Variants in CACNB2 observed in about 807,000 individuals in gnomAD.
The protein encoded by CACNB2 is calcium voltage-gated channel auxiliary subunit beta 2.
CACNB2 carries 42 observed loss-of-function variants against 73.3 expected under a neutral mutation model. The ratio of observed to expected loss-of-function variants is 0.57; its 90% CI spans 0.45 to 0.74. The LOEUF (loss-of-function observed/expected upper bound fraction) is 0.74. Among genes scored for constraint, CACNB2 ranks in the 30% least tolerant of loss-of-function variants. The pLI is 0.00. For synonymous variants in CACNB2, 348 were observed against 310.3 expected (o/e 1.12, Z -1.28); for missense variants, 940 against 853.0 (o/e 1.10, Z -1.27).
At chr10:18,472,131 T>C (rs2048215481) in intron 3 of CACNB2, among the ~76,000 whole-genome samples, 1 of 152,058 alleles carries the variant, frequency 6.6e-6, no homozygotes, top group Admixed American at 6.6e-5. Context: ...TTTGCTTTCT[T>C]TTCTGCTTGT....
At chr10:18,219,732 C>T (rs1361525873) in intron 2 of CACNB2, among the ~76,000 whole-genome samples, 1 of 151,266 alleles carries the variant, frequency 6.6e-6, no homozygotes, top group African/African-American at 2.4e-5. Flanking sequence ...TGTTATTCAT[C>T]TTATCTCTGG....
At chr10:18,202,351 C>G (rs1050399849) in intron 2 of CACNB2, among the ~76,000 whole-genome samples, 1 of 152,190 alleles carries the variant, frequency 6.6e-6, no homozygotes, top group African/African-American at 2.4e-5. Flanking sequence ...AGTTTCTTCT[C>G]TGGCTATGAT....
intron 2 of CACNB2, among the ~76,000 whole-genome samples, chr10:18,371,444 G>A (rs2042580248): frequency 6.6e-6 from 1 of 152,250 alleles, no homozygotes; most frequent in African/African-American, 2.4e-5. Flanking sequence ...ACCTATGAGT[G>A]AGAACATGTG....
At chr10:18,533,520 C>G (rs1304752817) in intron 10 of CACNB2, among the ~76,000 whole-genome samples, 1 of 152,298 alleles carries the variant, frequency 6.6e-6, no homozygotes, top group East Asian at 1.9e-4. Context: ...CCTTTTAAAA[C>G]ATGACTACTT....
intron 2 of CACNB2, among the ~76,000 whole-genome samples, chr10:18,292,738 C>T (rs569789218): frequency 1.9e-4 from 29 of 152,212 alleles, no homozygotes; most frequent in South Asian, 8.3e-4. Context: ...CTCAGAATAA[C>T]GAGAACAATC....
rs774096122 is a variant in CACNB2, at chr10:18,539,598, C to T, written c.1857C>T (p.Asn619=). 1.7e-5 allele frequency: 28 copies of T among 1,613,502 alleles called. No individual in the cohort carries two copies. Among genetic ancestry groups the T allele is most frequent in the Middle Eastern group, 3.3e-4 (2 of 6,084 alleles). The change falls in exon 14 of 14, where the codon AAC becomes AAT. Residue 619 remains asparagine, a synonymous_variant. Transcript: ENST00000324631. The part of the protein sequence containing the change: ...SRDVDREQDH[N]ECNKQRSRHK... ...ACGTGGATCGAGAGCAGGACCACAA[C>T]GAGTGCAACAAGCAGCGCAGCCGTC...
intron 2 of CACNB2, among the ~76,000 whole-genome samples, chr10:18,225,554 TTCCCTCCC>T (rs772748977): frequency 4.4e-4 from 58 of 131,280 alleles, no homozygotes; most frequent in Admixed American, 1.6e-3. Flanking sequence ...TTTCTTTCTT[TTCCCTCCC>T]TCCCTCCCTC....
chr10:18,260,776 G>A (rs1397513960), intron 2 of CACNB2: 4 of 1,006,564 alleles, frequency 4.0e-6, no homozygotes, highest in South Asian at 4.3e-5. Context: ...GAACAGCAGC[G>A]TGCTAAGAAG....
rs368241190 is a variant in CACNB2, at chr10:18,407,492, G to C, written c.333+5449G>C. On this transcript the variant is annotated intron_variant, in intron 3 of 13. Coordinates refer to ENST00000324631, the MANE Select transcript of CACNB2 (RefSeq NM_201596.3). ...ATATTTTGGGAACTGATCTTCCTTT[G>C]GTATTTTGACATTTTGACATGACAT... is the stretch of plus-strand genomic sequence containing the variant. Among the ~76,000 whole-genome samples, 3 of 151,782 alleles carry C rather than the reference G, an allele frequency of 2.0e-5. No homozygotes were observed. The East Asian group carries it at 5.8e-4, about 29-fold the overall frequency.
Position 18,191,114 on chromosome 10 carries a change from G to A in CACNB2, c.213+40139G>A, listed in dbSNP as rs567867960. Among the ~76,000 whole-genome samples, 48 of 152,304 alleles carry A rather than the reference G, an allele frequency of 3.2e-4. No homozygotes were observed. The South Asian group carries it at 9.3e-3, about 30-fold the overall frequency. On this transcript the variant is annotated intron_variant, in intron 2 of 13. Transcript: ENST00000324631. ...AAATGGAGGAGAAGGAAAATAAATG[G>A]ATTCAAACAATATTAGGAGGAAGAA...
At chr10:18,457,195 A>T (rs1007159745) in intron 3 of CACNB2, among the ~76,000 whole-genome samples, 2 of 152,120 alleles carry the variant, frequency 1.3e-5, no homozygotes, top group Non-Finnish European at 2.9e-5. Flanking sequence ...GGGCTGCGTG[A>T]TCCTCCTGCC....
intron 3 of CACNB2, among the ~76,000 whole-genome samples, chr10:18,456,025 A>G (rs958601268): frequency 1.3e-5 from 2 of 152,218 alleles, no homozygotes; most frequent in Non-Finnish European, 2.9e-5. Context: ...CTGCGTTTAC[A>G]GACATCTACA....
At chr10:18,357,017 T>A (rs1242904878) in intron 2 of CACNB2, among the ~76,000 whole-genome samples, 2 of 140,394 alleles carry the variant, frequency 1.4e-5, no homozygotes, top group Admixed American at 1.5e-4. Context: ...CGATCTCGAC[T>A]CACTGCAAGC....
intron 3 of CACNB2, among the ~76,000 whole-genome samples, chr10:18,403,473 T>A (rs2044116928): frequency 6.6e-6 from 1 of 152,216 alleles, no homozygotes; most frequent in South Asian, 2.1e-4. Context: ...TGCGGCTAAT[T>A]TATTCATGTA....
chr10:18,470,690 C>G (rs534481841), intron 3 of CACNB2, among the ~76,000 whole-genome samples: 4 of 152,160 alleles, frequency 2.6e-5, no homozygotes, highest in African/African-American at 9.6e-5. Flanking sequence ...TGTCTGTTCC[C>G]CCTTTAAATT....
At chr10:18,346,140 A>G (rs535438921) in intron 2 of CACNB2, among the ~76,000 whole-genome samples, 1 of 152,204 alleles carries the variant, frequency 6.6e-6, no homozygotes, top group Middle Eastern at 3.4e-3. Flanking sequence ...GAGAACTGGA[A>G]CTTTCTTTTA....
chr10:18,164,752 C>G (rs2032725237), intron 2 of CACNB2, among the ~76,000 whole-genome samples: 1 of 151,966 alleles, frequency 6.6e-6, no homozygotes, highest in African/African-American at 2.4e-5. Context: ...AGAAGAATAA[C>G]TCTGGATTTA....
intron 3 of CACNB2, among the ~76,000 whole-genome samples, chr10:18,438,441 GTGATGGAGAGAACTTA>G (rs981771072): frequency 5.3e-5 from 8 of 152,140 alleles, no homozygotes; most frequent in Non-Finnish European, 1.2e-4. Context: ...CCATCTTGCT[GTGATGGAGAGAACTTA>G]TGCCCAAAAT....
At chr10:18,391,736 G>A (rs1295331427) in intron 2 of CACNB2, among the ~76,000 whole-genome samples, 1 of 151,944 alleles carries the variant, frequency 6.6e-6, no homozygotes, top group Non-Finnish European at 1.5e-5. Context: ...AGACCAGCCT[G>A]GGCAGCATGG....
Sources: gnomAD v4.1 joint callset for allele counts (sites outside exome capture counted in the v4.1 genomes callset) on GRCh38, gnomAD v4.1.1 for gene constraint, MANE v1.5 for transcripts, NCBI Gene and HGNC (gene_info 2026-07-23, HGNC 2026-07-21) for gene names.